EPHA6: variants seen among roughly 807,000 people sequenced by gnomAD.
The protein encoded by EPHA6 is EPH receptor A6, also known as ephrin type-A receptor 6.
EPHA6 carries 50 observed loss-of-function variants against 112.0 expected under a neutral mutation model. That is an observed-to-expected ratio of 0.45 (90% CI 0.36 to 0.56). The LOEUF is 0.56. Among genes scored for constraint, EPHA6 ranks in the 20% least tolerant of loss-of-function variants. The probability of loss-of-function intolerance (pLI) is 0.00; values close to 1 mark genes in which losing one functional copy is unlikely to be tolerated. For missense variants in EPHA6, 1,280 were observed against 1,417.4 expected, an observed-to-expected ratio of 0.90 and a Z score of 1.56; for synonymous variants, 529 against 490.7, an observed-to-expected ratio of 1.08 and a Z score of -1.03.
intron 2 of EPHA6, among the ~76,000 whole-genome samples, chr3:96,889,749 T>C (rs2037844731): frequency 6.6e-6 from 1 of 152,174 alleles, no homozygotes; most frequent in Non-Finnish European, 1.5e-5. Context: ...AGAAGAATAC[T>C]GAGGCATTTA....
chr3:97,529,656 G>A lies in EPHA6; in HGVS notation c.2201-2702G>A, dbSNP rs568394733. Among the ~76,000 whole-genome samples, 12 of 151,716 alleles carry A rather than the reference G, an allele frequency of 7.9e-5. No individual in the cohort carries two copies. The South Asian group carries it at 1.9e-3, about 24-fold the overall frequency. ...AAAATTTTTTTTTCCTTTCTGCCTCGTATGTCTGATTCATTCAAGCCTACT... is the reference window on the plus strand; with the variant it reads ...AAAATTTTTTTTTCCTTTCTGCCTCATATGTCTGATTCATTCAAGCCTACT... On this transcript the variant is annotated intron_variant, in intron 10 of 17. Coordinates refer to ENST00000389672, the MANE Select transcript of EPHA6 (RefSeq NM_001080448.3).
At chr3:97,363,171 AATATATATATATATATATATAT>A (rs58214738) in intron 5 of EPHA6, among the ~76,000 whole-genome samples, 521 of 51,408 alleles carry the variant, frequency 0.01, 16 homozygotes, top group Middle Eastern at 0.06. Flanking sequence ...TTGCCCCTGC[AATATATATATATATATATATAT>A]ATATATATAT....
chr3:97,740,159 C>T (rs1042727000), intron 16 of EPHA6, among the ~76,000 whole-genome samples: 1 of 152,142 alleles, frequency 6.6e-6, no homozygotes, highest in Non-Finnish European at 1.5e-5. Context: ...CCCCCACCCT[C>T]ACCCACATTG....
chr3:97,588,220 A>G, intron 11 of EPHA6, among the ~76,000 whole-genome samples: 1 of 152,150 alleles, frequency 6.6e-6, no homozygotes, highest in East Asian at 1.9e-4. Flanking sequence ...CCCCTGCCCA[A>G]TTTTGGAAAA....
intron 3 of EPHA6, chr3:96,994,311 C>T (rs567372838): frequency 7.2e-6 from 2 of 278,236 alleles, no homozygotes; most frequent in Non-Finnish European, 1.5e-5. Context: ...TTCATAGATT[C>T]ATAATTAAGA....
chr3:96,935,473 A>G (rs1167486379), intron 2 of EPHA6, among the ~76,000 whole-genome samples: 1 of 150,722 alleles, frequency 6.6e-6, no homozygotes, highest in Non-Finnish European at 1.5e-5. Flanking sequence ...GGTATTCTAC[A>G]TGGACATACT....
intron 3 of EPHA6, among the ~76,000 whole-genome samples, chr3:97,046,023 G>GA (rs1335901353): frequency 6.6e-6 from 1 of 152,080 alleles, no homozygotes; most frequent in Non-Finnish European, 1.5e-5. Flanking sequence ...TCAAGACACA[G>GA]AAAATCTCTA....
chr3:97,409,107 T>G (rs1559968830), intron 6 of EPHA6, among the ~76,000 whole-genome samples: 1 of 152,076 alleles, frequency 6.6e-6, no homozygotes, highest in Non-Finnish European at 1.5e-5. Flanking sequence ...TCTAACAAGT[T>G]TTTTAAAGGC....
chr3:97,314,691 A>G (rs2081728929), intron 5 of EPHA6, among the ~76,000 whole-genome samples: 1 of 151,734 alleles, frequency 6.6e-6, no homozygotes, highest in African/African-American at 2.4e-5. Context: ...GAAGAAACAA[A>G]TTAAGTAGAA....
chr3:97,694,833 C>G lies in EPHA6; in HGVS notation c.2785-25428C>G, dbSNP rs1324896138. Among the ~76,000 whole-genome samples the G allele has an allele frequency of 2.0e-5, 3 of 152,178 alleles. No homozygotes were observed. In the East Asian group the frequency reaches 5.8e-4, roughly 29 times the overall value. ...GAACTTTAAGAAGCTATTCTATAAC[C>G]AAGACATAGATAGTTGTTGTCTTCA... is the stretch of plus-strand genomic sequence containing the variant. On this transcript the variant is annotated intron_variant, in intron 14 of 17. Transcript: ENST00000389672.
At chr3:97,447,569 A>C (rs968515649) in intron 6 of EPHA6, 1 of 162,868 alleles carries the variant, frequency 6.1e-6, no homozygotes, top group Non-Finnish European at 1.3e-5. Flanking sequence ...AAGTTATTGA[A>C]TAATAACACC....
chr3:96,948,310 A>G (rs1344051510), intron 2 of EPHA6, among the ~76,000 whole-genome samples: 1 of 152,098 alleles, frequency 6.6e-6, no homozygotes, highest in African/African-American at 2.4e-5. Flanking sequence ...TTTCTTGTCA[A>G]CTACCACATA....
At chr3:96,943,546 A>G (rs1278019513) in intron 2 of EPHA6, among the ~76,000 whole-genome samples, 3 of 152,216 alleles carry the variant, frequency 2.0e-5, no homozygotes, top group Non-Finnish European at 4.4e-5. Flanking sequence ...TGTTCTGTGA[A>G]TAGAAGATGC....
chr3:96,818,578 A>T (rs1189076590), intron 1 of EPHA6, among the ~76,000 whole-genome samples: 1 of 152,002 alleles, frequency 6.6e-6, no homozygotes, highest in African/African-American at 2.4e-5. Flanking sequence ...ATACAAATAA[A>T]TATATCTAAG....
intron 7 of EPHA6, among the ~76,000 whole-genome samples, chr3:97,468,352 T>C (rs1165068188): frequency 1.3e-5 from 2 of 151,642 alleles, no homozygotes; most frequent in Non-Finnish European, 3.0e-5. Context: ...AAGAAAAATA[T>C]CAGTATAATA....
chr3:97,016,434 GTAAAT>G (rs1465422654), intron 3 of EPHA6, among the ~76,000 whole-genome samples: 3 of 151,920 alleles, frequency 2.0e-5, no homozygotes, highest in Non-Finnish European at 2.9e-5. Flanking sequence ...CAGAAAAAAA[GTAAAT>G]TAAATATAAA....
rs190934798 is a variant in EPHA6, at chr3:97,370,951, A to G, written c.1607-34199A>G. Among the ~76,000 whole-genome samples, 106 of 152,256 alleles carry G rather than the reference A, an allele frequency of 7.0e-4. 1 individual carries two copies. Among genetic ancestry groups the G allele is most frequent in the African/African-American group, 2.2e-3 (93 of 41,554 alleles). ...GAATGTCTGGCTCCAGTCTATTATC[A>G]ATCTTCTGACTTATTTCTTCTCTTG... On this transcript the variant is annotated intron_variant, in intron 5 of 17. Transcript: ENST00000389672.
intron 3 of EPHA6, among the ~76,000 whole-genome samples, chr3:97,095,052 T>C (rs749174306): frequency 2.0e-4 from 31 of 151,972 alleles, no homozygotes; most frequent in Non-Finnish European, 4.3e-4. Context: ...GATTTAAAAA[T>C]TGAATAAGAG....
chr3:97,076,704 T>G lies in EPHA6; in HGVS notation c.1114+88711T>G, dbSNP rs1430634900. On this transcript the variant is annotated intron_variant, in intron 3 of 17. Transcript: ENST00000389672. ...AGAAGTCAATGCCTGACTTTGAAGC[T>G]TCAAAGGACAGACTGACACTGCTGT... Among the ~76,000 whole-genome samples the G allele has an allele frequency of 3.9e-5, 6 of 152,138 alleles. No individual in the cohort carries two copies. In the South Asian group the frequency reaches 1.2e-3, roughly 32 times the overall value.
Sources: allele counts gnomAD v4.1 joint callset (sites outside exome capture counted in the v4.1 genomes callset), GRCh38; gene constraint gnomAD v4.1.1; transcripts MANE v1.5; gene names NCBI Gene and HGNC (gene_info 2026-07-23, HGNC 2026-07-21).